The following RALA variants were observed in gnomAD, a reference collection of about 807,000 sequenced individuals.
The protein encoded by RALA is ras-related protein Ral-A.
A neutral mutation model predicts 24.0 loss-of-function variants in RALA; 5 were observed. That is an observed-to-expected ratio of 0.21 (90% CI 0.11 to 0.44). RALA has a LOEUF of 0.44. RALA is among the 20% of genes least tolerant of loss of function. The pLI, the probability that RALA is intolerant of heterozygous loss-of-function variation, is 0.99. For synonymous variants in RALA, 77 were observed against 83.8 expected (o/e 0.92, Z 0.44); for missense variants, 95 against 241.2 (o/e 0.39, Z 4.01).
chr7:39,642,519 G>A (rs1424773986), intron 1 of RALA, among the ~76,000 whole-genome samples: 1 of 152,054 alleles, frequency 6.6e-6, no homozygotes. Context: ...CATCTAAAAA[G>A]TAATGTTTGC....
intron 1 of RALA, among the ~76,000 whole-genome samples, chr7:39,673,277 GT>G (rs1242388421): frequency 1.3e-5 from 2 of 152,070 alleles, no homozygotes; most frequent in Non-Finnish European, 2.9e-5. Flanking sequence ...GGTGCTTTGT[GT>G]TTTGACTTAC....
chr7:39,699,118 G>GTTTTTTTTTTTT (rs1209729467), intron 4 of RALA, among the ~76,000 whole-genome samples: 3 of 84,138 alleles, frequency 3.6e-5, no homozygotes, highest in African/African-American at 1.4e-4. Context: ...TGCTAAAAAT[G>GTTTTTTTTTTTT]TTATTTTTTT....
chr7:39,684,200 A>G (rs1792654384), intron 1 of RALA, among the ~76,000 whole-genome samples: 1 of 152,144 alleles, frequency 6.6e-6, no homozygotes, highest in Non-Finnish European at 1.5e-5. Context: ...GTGTTTGTTG[A>G]GTTAAATTGA....
At chr7:39,693,586 C>T (rs1362052180) in intron 3 of RALA, among the ~76,000 whole-genome samples, 1 of 152,094 alleles carries the variant, frequency 6.6e-6, no homozygotes, top group Non-Finnish European at 1.5e-5. Flanking sequence ...GAAAAAAGAA[C>T]AGCATTCAGG....
At chr7:39,656,328 C>G (rs1267184767) in intron 1 of RALA, among the ~76,000 whole-genome samples, 2 of 152,158 alleles carry the variant, frequency 1.3e-5, no homozygotes, top group African/African-American at 4.8e-5. Context: ...TTCATGTTTG[C>G]TATTTCTCAA....
At chr7:39,664,209 C>G (rs771213910) in intron 1 of RALA, among the ~76,000 whole-genome samples, 10 of 152,104 alleles carry the variant, frequency 6.6e-5, no homozygotes, top group Non-Finnish European at 5.9e-5. Flanking sequence ...CAAGTGCAGT[C>G]GGGTTTATGA....
chr7:39,701,030 A>G (rs1305882258), intron 4 of RALA: 2 of 152,240 alleles, frequency 1.3e-5, no homozygotes, highest in South Asian at 2.1e-4. Flanking sequence ...GTAAGTACCA[A>G]CCATTTAATC....
rs150797538 is a variant in RALA, at chr7:39,691,303, G to A, written c.323+713G>A. Among the ~76,000 whole-genome samples, 295 of 152,256 alleles carry A rather than the reference G, an allele frequency of 1.9e-3. 1 individual carries two copies. Among genetic ancestry groups the A allele is most frequent in the African/African-American group, 6.7e-3 (279 of 41,544 alleles). ...TGCAAATACTACATGCATAAATCAA[G>A]TGTTCTTTAATTAAATGATACATAT... is the stretch of plus-strand genomic sequence containing the variant. On this transcript the variant is annotated intron_variant, in intron 3 of 4. Transcript: ENST00000005257.
In RALA at chr7:39,706,263, T is replaced by G. The variant is rs1451284458; in HGVS notation, c.*18T>G. On this transcript the variant is annotated 3_prime_UTR_variant, in exon 5 of 5. Transcript: ENST00000005257. The stretch of plus-strand genomic sequence containing the variant: ...TTTTATAATCAAAGCCCAAACTCCT[T>G]TCTTATCTTGACCATACTAATAAAT... 1 of 1,598,596 alleles carries G rather than the reference T, an allele frequency of 6.3e-7. No homozygotes were observed. The highest frequency in any genetic ancestry group is 1.1e-5 in the South Asian group (1 of 87,500).
intron 1 of RALA, among the ~76,000 whole-genome samples, chr7:39,640,348 C>T (rs1429469306): frequency 6.6e-6 from 1 of 152,236 alleles, no homozygotes; most frequent in Non-Finnish European, 1.5e-5. Flanking sequence ...GAAATGGTAT[C>T]TTACTGTGGT....
chr7:39,638,438 C>T (rs1033076508), intron 1 of RALA, among the ~76,000 whole-genome samples: 9 of 152,084 alleles, frequency 5.9e-5, no homozygotes, highest in Admixed American at 4.6e-4. Context: ...AGGCATGTGT[C>T]AGTAGTTCTT....
chr7:39,666,684 TTTC>T (rs575476584), intron 1 of RALA, among the ~76,000 whole-genome samples: 1 of 152,214 alleles, frequency 6.6e-6, no homozygotes, highest in African/African-American at 2.4e-5. Flanking sequence ...ATTTTCTTTC[TTTC>T]TTCTTAGCTG....
At chr7:39,668,600 C>T (rs549487096) in intron 1 of RALA, among the ~76,000 whole-genome samples, 1 of 151,754 alleles carries the variant, frequency 6.6e-6, no homozygotes, top group South Asian at 2.1e-4. Flanking sequence ...GGAGTTGAGA[C>T]CAGCTTGACC....
At chr7:39,685,748 C>G (rs76563292) in intron 1 of RALA, among the ~76,000 whole-genome samples, 5,911 of 151,936 alleles carry the variant, frequency 0.039, 144 homozygotes, top group Middle Eastern at 0.068. Flanking sequence ...TTGGGGTATA[C>G]AGTGTTGAAT....
At chr7:39,670,747 C>T (rs1310640660) in intron 1 of RALA, among the ~76,000 whole-genome samples, 1 of 152,138 alleles carries the variant, frequency 6.6e-6, no homozygotes, top group Non-Finnish European at 1.5e-5. Flanking sequence ...TACCCTGTTA[C>T]TTATTTCTCA....
At chr7:39,631,578 C>G (rs1791600309) in intron 1 of RALA, among the ~76,000 whole-genome samples, 1 of 152,100 alleles carries the variant, frequency 6.6e-6, no homozygotes, top group Admixed American at 6.5e-5. Flanking sequence ...CAAACAATGT[C>G]TTTTTATTTT....
At position 39,635,738 on chromosome 7, in the gene RALA, A is replaced by C. The variant is rs550432076; in HGVS notation, c.-38+11913A>C. Among the ~76,000 whole-genome samples, 4 of 152,210 alleles carry C rather than the reference A, an allele frequency of 2.6e-5. No homozygotes were observed. In the East Asian group the frequency reaches 5.8e-4, roughly 22 times the overall value. On this transcript the variant is annotated intron_variant, in intron 1 of 4. Transcript: ENST00000005257. ...TAGATTGCTCAGGTGCACAGTTCACAATAAGGTTTGTACTCCTATGAGAAT... is the reference window on the plus strand; with the variant it reads ...TAGATTGCTCAGGTGCACAGTTCACCATAAGGTTTGTACTCCTATGAGAAT...
intron 1 of RALA, among the ~76,000 whole-genome samples, chr7:39,651,349 C>T (rs1398637303): frequency 2.0e-5 from 3 of 152,082 alleles, no homozygotes; most frequent in South Asian, 2.1e-4. Flanking sequence ...TCACACAGAC[C>T]GACCCTGGTA....
chr7:39,631,978 G>C lies in RALA; in HGVS notation c.-38+8153G>C, dbSNP rs115790455. Among the ~76,000 whole-genome samples, 1,314 of 152,280 alleles carry C rather than the reference G, an allele frequency of 8.6e-3. 17 individuals carry two copies. The highest frequency in any genetic ancestry group is 0.03 in the African/African-American group (1,245 of 41,556). On this transcript the variant is annotated intron_variant, in intron 1 of 4. Transcript: ENST00000005257. ...ACTCATGGAAGAAGGCGAAGGGTGA[G>C]CAGGTGTGACACATGGCAAAAGAAG...
Sources: gnomAD v4.1 joint callset for allele counts (sites outside exome capture counted in the v4.1 genomes callset) on GRCh38, gnomAD v4.1.1 for gene constraint, MANE v1.5 for transcripts, NCBI Gene and HGNC (gene_info 2026-07-23, HGNC 2026-07-21) for gene names.